The following TRIQK variants were observed in gnomAD, a reference collection of about 807,000 sequenced individuals.
TRIQK encodes the protein triple QxxK/R motif containing.
TRIQK carries 10 observed loss-of-function variants against 10.8 expected under a neutral mutation model. The ratio of observed to expected loss-of-function variants is 0.92; its 90% CI spans 0.57 to 1.57. TRIQK has a LOEUF of 1.57. TRIQK is among the 40% of genes most tolerant of loss of function. The pLI is 0.00. For synonymous variants in TRIQK, 33 were observed against 33.7 expected, an observed-to-expected ratio of 0.98 and a Z score of 0.07; for missense variants, 107 against 97.7, an observed-to-expected ratio of 1.09 and a Z score of -0.40.
chr8:92,888,544 T>C (rs1816599853), intron 4 of TRIQK, among the ~76,000 whole-genome samples: 1 of 151,686 alleles, frequency 6.6e-6, no homozygotes, highest in African/African-American at 2.4e-5. Context: ...AGAAAAGCAT[T>C]GTAGAGGCTG....
chr8:92,911,584 G>C (rs1341525983), intron 3 of TRIQK, among the ~76,000 whole-genome samples: 5 of 151,178 alleles, frequency 3.3e-5, no homozygotes, highest in African/African-American at 1.2e-4. Context: ...GATGGAAAAA[G>C]ATATTCCATG....
chr8:92,975,969 A>T (rs1812927583), intron 1 of TRIQK, among the ~76,000 whole-genome samples: 1 of 151,936 alleles, frequency 6.6e-6, no homozygotes. Flanking sequence ...TTTGGAGATT[A>T]TCCAGATAAT....
intron 1 of TRIQK, among the ~76,000 whole-genome samples, chr8:92,990,483 C>T (rs1433156200): frequency 6.6e-6 from 1 of 151,236 alleles, no homozygotes; most frequent in African/African-American, 2.4e-5. Flanking sequence ...ATAGGAAGAG[C>T]TCCGGTCTGC....
chr8:92,900,338 G>T (rs970363770), intron 3 of TRIQK, among the ~76,000 whole-genome samples: 6 of 152,024 alleles, frequency 3.9e-5, no homozygotes, highest in Non-Finnish European at 7.4e-5. Flanking sequence ...CAATTTCCTG[G>T]AGAGTTTCCC....
At chr8:92,937,156 A>T (rs912754215) in intron 2 of TRIQK, among the ~76,000 whole-genome samples, 2 of 151,888 alleles carry the variant, frequency 1.3e-5, no homozygotes, top group African/African-American at 4.8e-5. Context: ...AAAACTCTGT[A>T]TGTCTACATA....
chr8:93,014,786 C>A (rs1310577699), intron 1 of TRIQK, among the ~76,000 whole-genome samples: 1 of 151,916 alleles, frequency 6.6e-6, no homozygotes, highest in African/African-American at 2.4e-5. Context: ...GCTAACTTCA[C>A]TTTAGGTAAT....
chr8:92,910,756 G>C (rs993380914), intron 3 of TRIQK, among the ~76,000 whole-genome samples: 7 of 151,092 alleles, frequency 4.6e-5, no homozygotes, highest in African/African-American at 1.7e-4. Context: ...TTATATAATA[G>C]AAAAGGGGAA....
chr8:92,954,040 T>C (rs1812047565), intron 2 of TRIQK: 1 of 151,850 alleles, frequency 6.6e-6, no homozygotes, highest in Non-Finnish European at 1.5e-5. Flanking sequence ...CAATACATAA[T>C]TATCAAAATA....
At chr8:92,983,286 TCAAAA>T (rs1483803562) in intron 1 of TRIQK, among the ~76,000 whole-genome samples, 1 of 151,954 alleles carries the variant, frequency 6.6e-6, no homozygotes, top group Non-Finnish European at 1.5e-5. Flanking sequence ...TCAATTCAAG[TCAAAA>T]CAAAAGATTT....
At chr8:92,886,913 A>C (rs993062895) in intron 4 of TRIQK, 178 bp from the exon 5 acceptor site, 6 of 422,562 alleles carry the variant, frequency 1.4e-5, no homozygotes, top group Non-Finnish European at 2.5e-5. Flanking sequence ...TGTACTGGCA[A>C]GTCCCAATGA....
intron 2 of TRIQK, among the ~76,000 whole-genome samples, chr8:92,927,759 T>C (rs1810515503): frequency 6.6e-6 from 1 of 152,148 alleles, no homozygotes; most frequent in South Asian, 2.1e-4. Flanking sequence ...GGGACCTGGA[T>C]GTCCATAGAT....
intron 4 of TRIQK, among the ~76,000 whole-genome samples, chr8:92,887,737 G>C (rs1485723493): frequency 6.6e-6 from 1 of 151,522 alleles, no homozygotes. Flanking sequence ...AGGTAAGTCA[G>C]TAATAATAAA....
At chr8:92,933,664 AT>A (rs1182386831) in intron 2 of TRIQK, among the ~76,000 whole-genome samples, 1 of 152,162 alleles carries the variant, frequency 6.6e-6, no homozygotes, top group African/African-American at 2.4e-5. Context: ...AACTAAAAGC[AT>A]CAGTCCTATG....
At chr8:93,009,321 CAA>C (rs1161625822) in intron 1 of TRIQK, among the ~76,000 whole-genome samples, 1 of 151,930 alleles carries the variant, frequency 6.6e-6, no homozygotes, top group Non-Finnish European at 1.5e-5. Context: ...ATCAAAAAGA[CAA>C]AAGAGGCCGG....
intron 1 of TRIQK, among the ~76,000 whole-genome samples, chr8:92,987,396 C>T (rs1813045662): frequency 1.3e-5 from 2 of 152,152 alleles, no homozygotes; most frequent in African/African-American, 4.8e-5. Flanking sequence ...AATTAGTTTT[C>T]CTCCAGAGAA....
chr8:92,887,684 A>T (rs1239549242), intron 4 of TRIQK, among the ~76,000 whole-genome samples: 1 of 151,620 alleles, frequency 6.6e-6, no homozygotes, highest in Non-Finnish European at 1.5e-5. Context: ...ACAGAGAAGC[A>T]ATGCATTAGC....
chr8:92,945,773 A>G (rs1244806616), intron 2 of TRIQK, among the ~76,000 whole-genome samples: 1 of 152,226 alleles, frequency 6.6e-6, no homozygotes, highest in African/African-American at 2.4e-5. Context: ...TATGTATTAA[A>G]TTTAGGATAT....
chr8:92,954,941 T>C (rs1159675413), intron 1 of TRIQK, among the ~76,000 whole-genome samples: 1 of 151,914 alleles, frequency 6.6e-6, no homozygotes, highest in Non-Finnish European at 1.5e-5. Context: ...TTTTCTGTTA[T>C]TTTAATTTGC....
At chr8:92,972,881 A>C (rs1032054472) in intron 1 of TRIQK, 2 of 152,214 alleles carry the variant, frequency 1.3e-5, no homozygotes, top group South Asian at 4.1e-4. Context: ...GCTGTCCTGA[A>C]ATTTTTAATA....
Sources: allele counts gnomAD v4.1 joint callset (sites outside exome capture counted in the v4.1 genomes callset), GRCh38; gene constraint gnomAD v4.1.1; transcripts MANE v1.5; gene names NCBI Gene and HGNC (gene_info 2026-07-23, HGNC 2026-07-21).